The following NCOA3 variants were observed in gnomAD, a reference collection of about 807,000 sequenced individuals.
NCOA3 encodes nuclear receptor coactivator 3, also known as CBP-interacting protein.
In NCOA3, 51 loss-of-function variants were observed where a neutral mutation model predicts 158.8. The ratio of observed to expected loss-of-function variants is 0.32; its 90% CI spans 0.26 to 0.41. NCOA3 has a LOEUF of 0.41. NCOA3 is among the 10% of genes least tolerant of loss of function. The probability of loss-of-function intolerance (pLI) is 1.00; values close to 1 mark genes in which losing one functional copy is unlikely to be tolerated. For synonymous variants in NCOA3, 537 were observed against 592.4 expected (o/e 0.91, Z 1.36); for missense variants, 1,510 against 1,746.6 (o/e 0.86, Z 2.41).
chr20:47,653,612 C>T lies in NCOA3; in HGVS notation c.*195C>T, dbSNP rs572909502. The T allele has an allele frequency of 7.6e-6, 5 of 660,906 alleles. No homozygotes were observed. The highest frequency in any genetic ancestry group is 2.5e-4 in the Middle Eastern group (1 of 3,946). The allele number at this position is 660,906 out of a possible 1,614,324, so 40.9% of individuals were successfully genotyped here. A position where few individuals can be genotyped will look rare whatever the true frequency, so the allele number is the denominator to read the frequency against. ...CGAAGGGCAATATCTACGTGTTTTT[C>T]CCCCCTCCTTCTGCTGTGTATCATG... On this transcript the variant is annotated 3_prime_UTR_variant, in exon 23 of 23. Coordinates refer to ENST00000371998, the MANE Select transcript of NCOA3 (RefSeq NM_181659.3).
chr20:47,642,960 G>A (rs974276973), intron 17 of NCOA3, among the ~76,000 whole-genome samples: 1 of 152,198 alleles, frequency 6.6e-6, no homozygotes, highest in Non-Finnish European at 1.5e-5. Flanking sequence ...AACCAGGCTG[G>A]AGTGCAGTGG....
rs150284690 is a variant in NCOA3 at position 47,550,553 on chromosome 20, G to A, written c.-98-32630G>A. Among the ~76,000 whole-genome samples, 664 of 151,846 alleles carry A rather than the reference G, an allele frequency of 4.4e-3. 5 individuals carry two copies. The highest frequency in any genetic ancestry group is 0.014 in the African/African-American group (563 of 41,418). On this transcript the variant is annotated intron_variant, in intron 1 of 22. Coordinates refer to ENST00000371998, the MANE Select transcript of NCOA3 (RefSeq NM_181659.3). ...GACTCTCAATGACTGATTAACAAACGACCTATTAGTTGGTTTCTAAGTGTG... is the reference window on the plus strand; with the variant it reads ...GACTCTCAATGACTGATTAACAAACAACCTATTAGTTGGTTTCTAAGTGTG...
chr20:47,630,034 A>G (rs551253634), intron 8 of NCOA3, among the ~76,000 whole-genome samples: 6 of 152,268 alleles, frequency 3.9e-5, no homozygotes, highest in South Asian at 2.1e-4. Flanking sequence ...CTCTGGGGAT[A>G]TTTTATCTTC....
chr20:47,555,896 C>T (rs2084997844), intron 1 of NCOA3, among the ~76,000 whole-genome samples: 1 of 151,340 alleles, frequency 6.6e-6, no homozygotes, highest in South Asian at 2.1e-4. Flanking sequence ...CCAGCCTCGG[C>T]CTCCCAAAGT....
chr20:47,563,101 ACTT>A, intron 1 of NCOA3, among the ~76,000 whole-genome samples: 1 of 152,264 alleles, frequency 6.6e-6, no homozygotes, highest in South Asian at 2.1e-4. Context: ...CATTTCTCAT[ACTT>A]CTTTGTTTAG....
At chr20:47,599,204 A>G (rs371882691) in intron 2 of NCOA3, among the ~76,000 whole-genome samples, 1 of 152,216 alleles carries the variant, frequency 6.6e-6, no homozygotes, top group Admixed American at 6.5e-5. Context: ...ATGTGCTACA[A>G]TGTTGATGTA....
intron 8 of NCOA3, 81 bp from the exon 9 acceptor site, chr20:47,633,415 C>T: frequency 7.7e-7 from 1 of 1,295,134 alleles, no homozygotes; most frequent in Non-Finnish European, 1.1e-6. Flanking sequence ...ATTTTATTCT[C>T]CAGTGCTAAG....
Position 47,604,682 on chromosome 20 carries a change from C to T in NCOA3, c.-19-17547C>T, listed in dbSNP as rs199569073. Reference sequence around the variant, plus strand: ...CAAACTCCTGGGCTCAAGTGAGCCTCCCACCTCAGCTTTCCAAAGTGCTGG... The same window carrying T: ...CAAACTCCTGGGCTCAAGTGAGCCTTCCACCTCAGCTTTCCAAAGTGCTGG... On this transcript the variant is annotated intron_variant, in intron 2 of 22. Transcript: ENST00000371998. 5.9e-5 allele frequency among the ~76,000 whole-genome samples: 9 copies of T among 152,284 alleles called. No individual in the cohort carries two copies. The East Asian group carries it at 1.7e-3, about 29-fold the overall frequency.
chr20:47,583,216 A>T lies in NCOA3; in HGVS notation c.-65A>T, dbSNP rs973419215. On this transcript the variant is annotated 5_prime_UTR_variant, in exon 2 of 23. Transcript: ENST00000371998. ...TACTTGCTGGATGGTGGACTCAGAG[A>T]CCAATAAAAATAAACTGCTTGAACA... 1 of 398,528 alleles carries T rather than the reference A, an allele frequency of 2.5e-6. No individual in the cohort carries two copies. The highest frequency in any genetic ancestry group is 4.4e-6 in the Non-Finnish European group (1 of 226,076). 24.7% of individuals were successfully genotyped at this position (398,528 alleles called of 1,614,324 possible). A position where few individuals can be genotyped will look rare whatever the true frequency, so the allele number is the denominator to read the frequency against.
At chr20:47,547,295 T>A (rs563591408) in intron 1 of NCOA3, among the ~76,000 whole-genome samples, 2 of 152,304 alleles carry the variant, frequency 1.3e-5, no homozygotes, top group African/African-American at 4.8e-5. Flanking sequence ...TTACCCCATC[T>A]GTGGCGTTAA....
intron 20 of NCOA3, among the ~76,000 whole-genome samples, chr20:47,651,732 T>A (rs2086797185): frequency 1.3e-5 from 2 of 152,090 alleles, no homozygotes; most frequent in Non-Finnish European, 2.9e-5. Context: ...TGGTGCGATC[T>A]TGGCTCACTG....
In NCOA3 at chr20:47,649,054, C is replaced by T. The variant is rs761861914; in HGVS notation, c.3596C>T (p.Thr1199Ile). The T allele has an allele frequency of 2.7e-5, 43 of 1,613,958 alleles. 1 individual carries two copies. The Admixed American group carries it at 6.7e-4, about 25-fold the overall frequency. Residue 1199 changes from threonine (T) to isoleucine (I), a missense_variant, in exon 19 of 23, where the codon ACT becomes ATT. Transcript: ENST00000371998. ...CTTGAATTGAAAATGGAAAACCCTACTGCTGGTGGTGCTGCGGTGATGAGG... is the reference window on the plus strand; with the variant it reads ...CTTGAATTGAAAATGGAAAACCCTATTGCTGGTGGTGCTGCGGTGATGAGG... ...QALELKMENP[T>I]AGGAAVMRPM...
At chr20:47,504,897 G>T (rs6018514) in intron 1 of NCOA3, among the ~76,000 whole-genome samples, 1 of 145,256 alleles carries the variant, frequency 6.9e-6, no homozygotes, top group Non-Finnish European at 1.5e-5. Context: ...GTCTTTAAAA[G>T]AAAATTAAAA....
chr20:47,536,289 A>AT (rs1189006334), intron 1 of NCOA3, among the ~76,000 whole-genome samples: 6 of 151,986 alleles, frequency 3.9e-5, no homozygotes, highest in Non-Finnish European at 8.8e-5. Context: ...ATATGATAAA[A>AT]TTTTTTTGTA....
At position 47,511,550 on chromosome 20, in the gene NCOA3, T is replaced by TATAC. The variant is rs1556556372; in HGVS notation, c.-99+9534_-99+9535insCATA. 4.4e-4 allele frequency among the ~76,000 whole-genome samples: 23 copies of TATAC among 52,270 alleles called. 2 individuals are homozygous for TATAC. The highest frequency in any genetic ancestry group is 9.4e-4 in the South Asian group (1 of 1,060). 34.3% of individuals were successfully genotyped at this position (52,270 alleles called of 152,430 possible). A position where few individuals can be genotyped will look rare whatever the true frequency, so the allele number is the denominator to read the frequency against. The stretch of plus-strand genomic sequence containing the variant: ...ATATATATATATATATATATATATA[T>TATAC]ATATATTTCTTTTTTTTTTTGAGAC... On this transcript the variant is annotated intron_variant, in intron 1 of 22. Transcript: ENST00000371998.
chr20:47,636,788 C>G, intron 12 of NCOA3, 26 bp downstream of exon 12: 1 of 1,539,342 alleles, frequency 6.5e-7, no homozygotes, highest in Non-Finnish European at 8.8e-7. Flanking sequence ...TATATTTCAG[C>G]TCATATTTCA....
chr20:47,603,097 CAG>C (rs2085888893), intron 2 of NCOA3, among the ~76,000 whole-genome samples: 2 of 152,164 alleles, frequency 1.3e-5, no homozygotes, highest in Non-Finnish European at 2.9e-5. Flanking sequence ...TGTATGATAT[CAG>C]AGAGGTTTTT....
chr20:47,518,052 A>ACTTT (rs1333336623), intron 1 of NCOA3, among the ~76,000 whole-genome samples: 1 of 152,090 alleles, frequency 6.6e-6, no homozygotes, highest in Non-Finnish European at 1.5e-5. Flanking sequence ...AATTCTAAAA[A>ACTTT]CTTTCACATC....
intron 1 of NCOA3, among the ~76,000 whole-genome samples, chr20:47,510,510 C>T (rs2084103580): frequency 6.6e-6 from 1 of 151,112 alleles, no homozygotes; most frequent in Admixed American, 6.6e-5. Context: ...TTTGGCAAAC[C>T]TGTAAGCATG....
Sources: allele counts gnomAD v4.1 joint callset (sites outside exome capture counted in the v4.1 genomes callset), GRCh38; gene constraint gnomAD v4.1.1; transcripts MANE v1.5; gene names NCBI Gene and HGNC (gene_info 2026-07-23, HGNC 2026-07-21).